HLF: variants seen among roughly 807,000 people sequenced by gnomAD.
HLF encodes the protein hepatic leukemia factor.
A neutral mutation model predicts 22.6 loss-of-function variants in HLF; 3 were observed. That is an observed-to-expected ratio of 0.13 (90% confidence interval 0.06 to 0.34). The LOEUF (loss-of-function observed/expected upper bound fraction) is 0.34. Among genes scored for constraint, HLF ranks in the 10% least tolerant of loss-of-function variants. HLF has a pLI of 1.00. For missense variants in HLF, 299 were observed against 389.2 expected, an observed-to-expected ratio of 0.77 and a Z score of 1.95; for synonymous variants, 151 against 151.8, an observed-to-expected ratio of 0.99 and a Z score of 0.04.
chr17:55,315,551 G>A (rs1465353), intron 3 of HLF, 104 bp downstream of exon 3: 101,299 of 777,322 alleles, frequency 0.13, 7,675 homozygotes, highest in Non-Finnish European at 0.16. Context: ...GTGCATGAAG[G>A]ATTTCTGATT....
intron 2 of HLF, among the ~76,000 whole-genome samples, chr17:55,309,858 A>G (rs766483473): frequency 5.3e-5 from 8 of 152,226 alleles, no homozygotes; most frequent in Non-Finnish European, 8.8e-5. Flanking sequence ...TGAAATAATA[A>G]GTAACACTAT....
intron 2 of HLF, among the ~76,000 whole-genome samples, chr17:55,307,694 C>G (rs1031329865): frequency 3.3e-5 from 5 of 152,000 alleles, no homozygotes; most frequent in Non-Finnish European, 7.4e-5. Flanking sequence ...CCCCTCCATG[C>G]AGGTTCCATC....
intron 2 of HLF, among the ~76,000 whole-genome samples, chr17:55,300,460 T>G (rs1287281472): frequency 6.6e-6 from 1 of 152,220 alleles, no homozygotes; most frequent in Non-Finnish European, 1.5e-5. Flanking sequence ...CCTACATTGG[T>G]ATATGAAGCT....
intron 2 of HLF, among the ~76,000 whole-genome samples, chr17:55,287,798 T>C (rs542329472): frequency 2.6e-5 from 4 of 152,342 alleles, no homozygotes; most frequent in Admixed American, 2.6e-4. Flanking sequence ...GGACTCCCTG[T>C]TGTTGACTTG....
chr17:55,310,957 A>G (rs1175558525), intron 2 of HLF, among the ~76,000 whole-genome samples: 1 of 152,178 alleles, frequency 6.6e-6, no homozygotes, highest in Non-Finnish European at 1.5e-5. Context: ...AAACTGATAC[A>G]TGTTTTTAAA....
rs767869743 is a variant in HLF at position 55,289,888 on chromosome 17, A to T, written c.451+21802A>T. Among the ~76,000 whole-genome samples the T allele has an allele frequency of 3.3e-5, 5 of 152,288 alleles. 1 individual carries two copies. In the South Asian group the frequency reaches 1.0e-3, roughly 32 times the overall value. On this transcript the variant is annotated intron_variant, in intron 2 of 3. Coordinates refer to ENST00000226067, the MANE Select transcript of HLF (RefSeq NM_002126.5). ...CACTTTGCATTCATTGTATTAATAA[A>T]TAAGCCTGTTTTCAGCCTAGTTAGA...
intron 1 of HLF, 63 bp downstream of exon 1, chr17:55,265,662 C>T (rs2080780828): frequency 2.4e-6 from 3 of 1,255,676 alleles, no homozygotes; most frequent in African/African-American, 1.5e-5. Context: ...CCTCCGCGGC[C>T]GGGCACGCCC....
At chr17:55,268,747 T>C (rs985488798) in intron 2 of HLF, among the ~76,000 whole-genome samples, 2 of 152,146 alleles carry the variant, frequency 1.3e-5, no homozygotes, top group African/African-American at 4.8e-5. Flanking sequence ...CTTTTTTTTT[T>C]TTTCATTTTC....
intron 2 of HLF, among the ~76,000 whole-genome samples, chr17:55,289,162 G>A (rs2081035319): frequency 6.6e-6 from 1 of 152,146 alleles, no homozygotes; most frequent in Non-Finnish European, 1.5e-5. Context: ...TTACAGAATG[G>A]CATGTCTCCC....
chr17:55,308,759 G>A (rs2145361714), intron 2 of HLF, among the ~76,000 whole-genome samples: 1 of 152,318 alleles, frequency 6.6e-6, no homozygotes, highest in African/African-American at 2.4e-5. Context: ...CCATTGCAAT[G>A]AGAATGTTTA....
At chr17:55,281,006 T>C (rs1354622260) in intron 2 of HLF, among the ~76,000 whole-genome samples, 1 of 152,214 alleles carries the variant, frequency 6.6e-6, no homozygotes, top group Non-Finnish European at 1.5e-5. Context: ...AGATTACAGC[T>C]GTGGGGTTCT....
At chr17:55,282,197 C>G (rs1272018925) in intron 2 of HLF, among the ~76,000 whole-genome samples, 1 of 152,232 alleles carries the variant, frequency 6.6e-6, no homozygotes, top group Non-Finnish European at 1.5e-5. Context: ...GAGTCCGAAT[C>G]TGGTATTTAA....
intron 2 of HLF, among the ~76,000 whole-genome samples, chr17:55,277,625 TG>T (rs35330503): frequency 2.7e-5 from 4 of 150,636 alleles, no homozygotes; most frequent in South Asian, 2.1e-4. Flanking sequence ...GGGATCGGAT[TG>T]GGGGGGGTTG....
In HLF at chr17:55,284,448, G is replaced by A. The variant is rs543004194; in HGVS notation, c.451+16362G>A. On this transcript the variant is annotated intron_variant, in intron 2 of 3. Coordinates refer to ENST00000226067, the MANE Select transcript of HLF (RefSeq NM_002126.5). ...GTAACTGCACTTGAGCTCTGCATAC[G>A]GTTAACTTTCAATTATCCTGAGGCT... Among the ~76,000 whole-genome samples the A allele has an allele frequency of 5.3e-5, 8 of 152,276 alleles. No individual in the cohort carries two copies. In the South Asian group the frequency reaches 1.7e-3, roughly 32 times the overall value.
chr17:55,322,098 A>G lies in HLF; in HGVS notation c.*1219A>G, dbSNP rs530476234. 4.8e-6 allele frequency: 1 copy of G among 207,938 alleles called. No homozygotes were observed. Among genetic ancestry groups the G allele is most frequent in the Non-Finnish European group, 9.8e-6 (1 of 101,812 alleles). The allele number at this position is 207,938 out of a possible 1,614,324, so 12.9% of individuals were successfully genotyped here. On this transcript the variant is annotated 3_prime_UTR_variant, in exon 4 of 4. Coordinates refer to ENST00000226067, the MANE Select transcript of HLF (RefSeq NM_002126.5). The stretch of plus-strand genomic sequence containing the variant: ...GTCATTTTTGAATGCCTCATAAATT[A>G]ATGATTCTGAAGCTTATGTTTCTTA...
intron 2 of HLF, among the ~76,000 whole-genome samples, chr17:55,306,265 C>T (rs190442518): frequency 7.9e-5 from 12 of 152,216 alleles, no homozygotes; most frequent in East Asian, 3.9e-4. Flanking sequence ...CAGGGAAGCC[C>T]GTCTACCAGC....
chr17:55,310,414 C>G (rs1050857632), intron 2 of HLF, among the ~76,000 whole-genome samples: 2 of 152,176 alleles, frequency 1.3e-5, no homozygotes, highest in African/African-American at 4.8e-5. Flanking sequence ...GAACTTAATA[C>G]ATTATTTCTG....
intron 3 of HLF, among the ~76,000 whole-genome samples, chr17:55,318,234 C>T (rs571729898): frequency 1.3e-5 from 2 of 152,172 alleles, no homozygotes; most frequent in Admixed American, 6.5e-5. Context: ...CCCCCCTGCC[C>T]GCAACCCTTC....
chr17:55,295,954 G>GA (rs778280324), intron 2 of HLF, among the ~76,000 whole-genome samples: 1 of 152,166 alleles, frequency 6.6e-6, no homozygotes, highest in Non-Finnish European at 1.5e-5. Flanking sequence ...TTTTTATGGG[G>GA]AAAAAATGCA....
Sources: gnomAD v4.1 joint callset for allele counts (sites outside exome capture counted in the v4.1 genomes callset) on GRCh38, gnomAD v4.1.1 for gene constraint, MANE v1.5 for transcripts, NCBI Gene and HGNC (gene_info 2026-07-23, HGNC 2026-07-21) for gene names.